ATG16L1: variants seen among roughly 807,000 people sequenced by gnomAD.
ATG16L1 encodes the protein autophagy related 16 like 1.
A neutral mutation model predicts 88.5 loss-of-function variants in ATG16L1; 37 were observed. That is an observed-to-expected ratio of 0.42 (90% confidence interval 0.32 to 0.55). ATG16L1 has a LOEUF of 0.55. ATG16L1 is among the 20% of genes least tolerant of loss of function. ATG16L1 has a pLI of 0.13. For missense variants in ATG16L1, 554 were observed against 752.8 expected (o/e 0.74, Z 3.09); for synonymous variants, 301 against 281.0 (o/e 1.07, Z -0.71).
chr2:233,274,280 A>G, intron 8 of ATG16L1: 4 of 517,324 alleles, frequency 7.7e-6, no homozygotes, highest in African/African-American at 1.9e-5. Flanking sequence ...ATCACAAGTG[A>G]TGAGGTTGAT....
intron 12 of ATG16L1, among the ~76,000 whole-genome samples, chr2:233,288,096 G>A (rs1699205464): frequency 6.6e-6 from 1 of 152,146 alleles, no homozygotes; most frequent in African/African-American, 2.4e-5. Flanking sequence ...GGCAGCAGTT[G>A]TAAGATGCTG....
intron 5 of ATG16L1, among the ~76,000 whole-genome samples, chr2:233,265,704 A>G (rs973017646): frequency 6.6e-5 from 10 of 152,130 alleles, no homozygotes; most frequent in Non-Finnish European, 1.5e-4. Context: ...TCCTGACCTC[A>G]GGATCCACCC....
chr2:233,253,399 C>T (rs961760550), intron 1 of ATG16L1, among the ~76,000 whole-genome samples: 1 of 124,258 alleles, frequency 8.0e-6, no homozygotes, highest in Non-Finnish European at 1.6e-5. Context: ...GGCTGGAGTG[C>T]AAGTGGCGTG....
At chr2:233,290,085 G>A in intron 13 of ATG16L1, 111 bp downstream of exon 13, 1 of 1,559,248 alleles carries the variant, frequency 6.4e-7, no homozygotes, top group Non-Finnish European at 8.8e-7. Context: ...TTTCAGATCT[G>A]GCTTCATGTT....
chr2:233,272,484 C>G (rs1698060891), intron 6 of ATG16L1, among the ~76,000 whole-genome samples: 1 of 152,138 alleles, frequency 6.6e-6, no homozygotes, highest in African/African-American at 2.4e-5. Context: ...GCCATCCCTT[C>G]TTTCCCTGAA....
intron 12 of ATG16L1, 138 bp downstream of exon 12, chr2:233,282,891 C>A: frequency 1.4e-6 from 1 of 703,588 alleles, no homozygotes; most frequent in Non-Finnish European, 2.5e-6. Flanking sequence ...TCCTTTCCTC[C>A]TTGGGGAAAT....
intron 12 of ATG16L1, among the ~76,000 whole-genome samples, chr2:233,289,266 T>C (rs1416154721): frequency 3.3e-5 from 5 of 152,164 alleles, no homozygotes; most frequent in Admixed American, 3.3e-4. Context: ...TTTATCCTTT[T>C]GGTCTTGATA....
intron 1 of ATG16L1, among the ~76,000 whole-genome samples, 196 bp downstream of exon 1, chr2:233,252,138 C>A (rs904318928): frequency 6.6e-6 from 1 of 152,188 alleles, no homozygotes; most frequent in African/African-American, 2.4e-5. Flanking sequence ...GAGGATTTTC[C>A]CTATTAAATT....
At chr2:233,282,401 T>C (rs1574888288) in intron 11 of ATG16L1, among the ~76,000 whole-genome samples, 1 of 152,212 alleles carries the variant, frequency 6.6e-6, no homozygotes, top group African/African-American at 2.4e-5. Context: ...CTAGTGAAGG[T>C]TGCCAAGGGA....
chr2:233,292,548 A>G, intron 16 of ATG16L1, 114 bp downstream of exon 16: 1 of 1,307,214 alleles, frequency 7.6e-7, no homozygotes, highest in South Asian at 1.2e-5. Context: ...CTATGTTTCC[A>G]GGAGTGTGCC....
rs1022574384 is a variant in ATG16L1 at position 233,294,640 on chromosome 2, T to TGG, written c.*294_*295dup. 8.0e-6 allele frequency: 2 copies of TGG among 249,884 alleles called. No individual in the cohort carries two copies. Among genetic ancestry groups the TGG allele is most frequent in the Non-Finnish European group, 1.5e-5 (2 of 129,306 alleles). The allele number at this position is 249,884 out of a possible 1,614,324, so 15.5% of individuals were successfully genotyped here. ...TAGCTCTGACCTTCCATACCTCACTTGGGGGAGCACAGGGCCCCGCTGGGC... is the reference window on the plus strand; with the variant it reads ...TAGCTCTGACCTTCCATACCTCACTTGGGGGGGAGCACAGGGCCCCGCTGGGC... On this transcript the variant is annotated 3_prime_UTR_variant, in exon 18 of 18. Coordinates refer to ENST00000392017, the MANE Select transcript of ATG16L1 (RefSeq NM_030803.7).
intron 12 of ATG16L1, among the ~76,000 whole-genome samples, chr2:233,284,252 G>A (rs1343264524): frequency 2.7e-5 from 4 of 149,196 alleles, no homozygotes; most frequent in Admixed American, 6.7e-5. Flanking sequence ...AGGTTCAAGT[G>A]ATCTCCTTCC....
At chr2:233,279,962 G>T (rs1027559462) in intron 10 of ATG16L1, among the ~76,000 whole-genome samples, 1 of 152,182 alleles carries the variant, frequency 6.6e-6, no homozygotes, top group African/African-American at 2.4e-5. Flanking sequence ...TTTTATCTGT[G>T]AAGATTTCAT....
Position 233,281,161 on chromosome 2 carries a change from G to A in ATG16L1, c.1117G>A (p.Glu373Lys). ...SGSNAGITSIEFDSAGSYLLA... is the reference protein window; with the variant it reads ...SGSNAGITSIKFDSAGSYLLA... ...CAGTAATGCAGGAATTACAAGCATT[G>A]AATTTGATAGTGCTGTAAGTATTGA... Residue 373 changes from glutamate to lysine, a missense_variant, in exon 11 of 18, where the codon GAA becomes AAA. Physicochemically the swap from Glu to Lys is moderately conservative, Grantham distance 56. This residue lies in a region of ATG16L1 where 370 missense variants were observed against 509.7 expected (regional missense o/e 0.73). Coordinates refer to ENST00000392017, the MANE Select transcript of ATG16L1 (RefSeq NM_030803.7). 1 of 1,601,214 alleles carries A rather than the reference G, an allele frequency of 6.2e-7. No individual in the cohort carries two copies. The highest frequency in any genetic ancestry group is 8.5e-7 in the Non-Finnish European group (1 of 1,175,288).
chr2:233,286,917 G>A (rs1699127991), intron 12 of ATG16L1, among the ~76,000 whole-genome samples: 2 of 152,036 alleles, frequency 1.3e-5, no homozygotes, highest in South Asian at 2.1e-4. Context: ...GAGCCACCGC[G>A]CCTGGCCAAG....
intron 13 of ATG16L1, 55 bp from the exon 14 acceptor site, chr2:233,290,193 G>A: frequency 6.3e-7 from 1 of 1,577,024 alleles, no homozygotes; most frequent in African/African-American, 1.3e-5. Flanking sequence ...GCAGCATTAT[G>A]TAAACAGCCA....
chr2:233,260,263 A>T (rs756541142), intron 2 of ATG16L1, among the ~76,000 whole-genome samples: 2 of 152,250 alleles, frequency 1.3e-5, no homozygotes, highest in Non-Finnish European at 2.9e-5. Context: ...GAAATTGTTT[A>T]TTCTAAGCAC....
chr2:233,269,459 C>T (rs1299841053), intron 5 of ATG16L1, among the ~76,000 whole-genome samples: 1 of 152,156 alleles, frequency 6.6e-6, no homozygotes, highest in Non-Finnish European at 1.5e-5. Flanking sequence ...AAAGGAAGTA[C>T]TCATTGGAGC....
chr2:233,262,445 T>C (rs1697281664), intron 2 of ATG16L1, among the ~76,000 whole-genome samples: 1 of 152,224 alleles, frequency 6.6e-6, no homozygotes, highest in Admixed American at 6.5e-5. Flanking sequence ...CACAAGGCTC[T>C]GCATCATTTC....
Sources: gnomAD v4.1 joint callset for allele counts (sites outside exome capture counted in the v4.1 genomes callset) on GRCh38, gnomAD v4.1.1 for gene constraint, gnomAD v4.1.1 regional missense constraint, MANE v1.5 for transcripts, NCBI Gene and HGNC (gene_info 2026-07-23, HGNC 2026-07-21) for gene names.